The following RBFOX3 variants were observed in gnomAD, a reference collection of about 807,000 sequenced individuals.
RBFOX3 encodes RNA binding fox-1 homolog 3, also known as RNA binding protein fox-1 homolog 3.
A neutral mutation model predicts 48.7 loss-of-function variants in RBFOX3; 17 were observed. The ratio of observed to expected loss-of-function variants is 0.35; its 90% CI spans 0.24 to 0.52. RBFOX3 has a LOEUF of 0.52. Ranked by LOEUF, RBFOX3 falls within the 20% of genes least tolerant of loss-of-function variation. RBFOX3 has a pLI of 0.94. For missense variants in RBFOX3, 382 were observed against 497.5 expected, an observed-to-expected ratio of 0.77 and a Z score of 2.21; for synonymous variants, 212 against 209.5, an observed-to-expected ratio of 1.01 and a Z score of -0.10.
At chr17:79,437,268 C>T (rs1407633322) in intron 2 of RBFOX3, among the ~76,000 whole-genome samples, 1 of 152,202 alleles carries the variant, frequency 6.6e-6, no homozygotes, top group Non-Finnish European at 1.5e-5. Context: ...GCCGGCTGGC[C>T]CTGACTGACA....
At chr17:79,664,627 C>T in the RBFOX3 span, among the ~76,000 whole-genome samples, 840 of 152,310 alleles carry the variant, frequency 5.5e-3, 16 homozygotes, top group Admixed American at 0.018. Context: ...GGATTATAGG[C>T]GTGAGCCACC....
At position 79,238,676 on chromosome 17, in the gene RBFOX3, C is replaced by T. The variant is rs147060613; in HGVS notation, c.-73-2871G>A. On this transcript the variant is annotated intron_variant, in intron 3 of 14. Transcript: ENST00000693108. ...AGCTTCTCTGCCTCTGCCAACCCTT[C>T]TCTCCTGAGAGATTGCTGGCATTTC... Among the ~76,000 whole-genome samples the T allele has an allele frequency of 1.4e-4, 22 of 152,338 alleles. No individual in the cohort carries two copies. The East Asian group carries it at 4.2e-3, about 29-fold the overall frequency.
chr17:79,343,564 G>A (rs1289548441), intron 2 of RBFOX3, among the ~76,000 whole-genome samples: 1 of 152,060 alleles, frequency 6.6e-6, no homozygotes, highest in Non-Finnish European at 1.5e-5. Flanking sequence ...AACACTGGAG[G>A]AAGAAAATGT....
At chr17:79,287,315 C>T (rs2072167528) in intron 3 of RBFOX3, among the ~76,000 whole-genome samples, 1 of 152,220 alleles carries the variant, frequency 6.6e-6, no homozygotes, top group Non-Finnish European at 1.5e-5. Context: ...CCCCATAGCA[C>T]TCCCCACCCA....
At chr17:79,117,883 G>A (rs1365527632) in intron 4 of RBFOX3, among the ~76,000 whole-genome samples, 1 of 152,232 alleles carries the variant, frequency 6.6e-6, no homozygotes, top group African/African-American at 2.4e-5. Context: ...TCAAACCATT[G>A]TTACAGCACT....
intron 2 of RBFOX3, among the ~76,000 whole-genome samples, chr17:79,376,946 G>A (rs1116140): frequency 0.37 from 55,474 of 151,750 alleles, 10,198 homozygotes; most frequent in Non-Finnish European, 0.39. Context: ...CCTGGAGCCC[G>A]ACACCTGCCC....
chr17:79,276,654 C>T (rs1251676926), intron 3 of RBFOX3, among the ~76,000 whole-genome samples: 1 of 152,166 alleles, frequency 6.6e-6, no homozygotes, highest in Non-Finnish European at 1.5e-5. Flanking sequence ...CACTGCACTC[C>T]AGCCTGGGTG....
chr17:79,281,265 G>A (rs1022207550), intron 3 of RBFOX3, among the ~76,000 whole-genome samples: 1 of 152,220 alleles, frequency 6.6e-6, no homozygotes, highest in Non-Finnish European at 1.5e-5. Context: ...GTGGGCTTGT[G>A]GTTTAGCTTG....
intron 4 of RBFOX3, among the ~76,000 whole-genome samples, chr17:79,166,977 G>A (rs1039531108): frequency 3.9e-5 from 6 of 152,144 alleles, no homozygotes; most frequent in African/African-American, 1.4e-4. Flanking sequence ...CCATGCCTCC[G>A]GGGGCCCAGA....
intron 2 of RBFOX3, among the ~76,000 whole-genome samples, chr17:79,335,482 G>A (rs911041434): frequency 2.6e-5 from 4 of 152,226 alleles, no homozygotes; most frequent in Admixed American, 6.5e-5. Context: ...CAGTGGAGGA[G>A]GCTGAGGTCC....
chr17:79,342,243 G>T (rs2082218467), intron 2 of RBFOX3, among the ~76,000 whole-genome samples: 1 of 152,242 alleles, frequency 6.6e-6, no homozygotes, highest in Non-Finnish European at 1.5e-5. Flanking sequence ...AGACTTTGCG[G>T]CTTGTCAGGG....
intron 2 of RBFOX3, among the ~76,000 whole-genome samples, chr17:79,356,160 G>A (rs1054488796): frequency 4.6e-5 from 7 of 151,978 alleles, no homozygotes; most frequent in South Asian, 4.2e-4. Context: ...AGCTGACGTC[G>A]GTCCTGCCTG....
the RBFOX3 span, among the ~76,000 whole-genome samples, chr17:79,623,977 C>G: frequency 2.0e-5 from 3 of 152,104 alleles, no homozygotes. Context: ...CCAAGGAGCG[C>G]AAGCAGCCTC....
At chr17:79,145,075 G>A (rs897605467) in intron 4 of RBFOX3, among the ~76,000 whole-genome samples, 3 of 152,130 alleles carry the variant, frequency 2.0e-5, no homozygotes, top group Admixed American at 6.5e-5. Context: ...CAGGGTGTGC[G>A]GGGTCCTTAG....
intron 4 of RBFOX3, among the ~76,000 whole-genome samples, chr17:79,215,756 C>T (rs2058957786): frequency 6.6e-6 from 1 of 152,274 alleles, no homozygotes; most frequent in Admixed American, 6.5e-5. Flanking sequence ...GGCAGCCATG[C>T]CACGCTGGGC....
At chr17:79,442,844 T>C (rs1023129216) in intron 2 of RBFOX3, among the ~76,000 whole-genome samples, 1 of 152,004 alleles carries the variant, frequency 6.6e-6, no homozygotes, top group African/African-American at 2.4e-5. Flanking sequence ...GACCTGAAGG[T>C]TTCTTCTCTC....
At chr17:79,183,910 T>A (rs868105023) in intron 4 of RBFOX3, among the ~76,000 whole-genome samples, 1 of 151,074 alleles carries the variant, frequency 6.6e-6, no homozygotes, top group Non-Finnish European at 1.5e-5. Flanking sequence ...GCGCCCCTCC[T>A]CCCCCCCGTT....
chr17:79,620,084 A>AT, the RBFOX3 span, among the ~76,000 whole-genome samples: 1 of 125,276 alleles, frequency 8.0e-6, no homozygotes, highest in East Asian at 2.5e-4. Context: ...CATGCACACA[A>AT]GCACATGCAC....
intron 1 of RBFOX3, among the ~76,000 whole-genome samples, chr17:79,536,137 C>T (rs1304371313): frequency 6.6e-6 from 1 of 151,604 alleles, no homozygotes; most frequent in Non-Finnish European, 1.5e-5. Context: ...AGTGCAGTGG[C>T]GTGATCTCAG....
Sources: gnomAD v4.1 joint callset for allele counts (sites outside exome capture counted in the v4.1 genomes callset) on GRCh38, gnomAD v4.1.1 for gene constraint, MANE v1.5 for transcripts, NCBI Gene and HGNC (gene_info 2026-07-23, HGNC 2026-07-21) for gene names.